The following CLYBL variants were observed in gnomAD, a reference collection of about 807,000 sequenced individuals.
CLYBL encodes the protein citramalyl-CoA lyase.
A neutral mutation model predicts 38.9 loss-of-function variants in CLYBL; 31 were observed. The ratio of observed to expected loss-of-function variants is 0.80; its 90% confidence interval spans 0.60 to 1.08. The LOEUF (loss-of-function observed/expected upper bound fraction) is 1.08. CLYBL is among the 50% of genes least tolerant of loss of function. CLYBL has a pLI of 0.00. For synonymous variants in CLYBL, 171 were observed against 158.6 expected (o/e 1.08, Z -0.59); for missense variants, 434 against 411.6 (o/e 1.05, Z -0.47).
intron 1 of CLYBL, among the ~76,000 whole-genome samples, chr13:99,731,721 ACC>A (rs2048594927): frequency 6.6e-6 from 1 of 152,042 alleles, no homozygotes; most frequent in South Asian, 2.1e-4. Flanking sequence ...TGGACAGTGG[ACC>A]CCTGGATGGG....
chr13:99,870,452 T>TC (rs764352102), intron 6 of CLYBL, among the ~76,000 whole-genome samples: 4,465 of 152,290 alleles, frequency 0.029, no homozygotes, highest in Non-Finnish European at 0.045. Flanking sequence ...CTGTAAGCTT[T>TC]ATGAAAACCA....
intron 1 of CLYBL, among the ~76,000 whole-genome samples, chr13:99,640,901 C>T (rs1379969622): frequency 6.6e-6 from 1 of 152,188 alleles, no homozygotes; most frequent in Non-Finnish European, 1.5e-5. Context: ...CAGTGCAGAT[C>T]CAAGCTACTC....
intron 1 of CLYBL, among the ~76,000 whole-genome samples, chr13:99,693,480 A>T (rs1566611929): frequency 6.6e-6 from 1 of 152,090 alleles, no homozygotes; most frequent in Non-Finnish European, 1.5e-5. Context: ...AGCTGGGTGC[A>T]CACCCTCCTT....
At chr13:99,841,473 C>T (rs2051075592) in intron 2 of CLYBL, among the ~76,000 whole-genome samples, 1 of 151,962 alleles carries the variant, frequency 6.6e-6, no homozygotes, top group Admixed American at 6.6e-5. Context: ...AGTCTCAGCT[C>T]ACTGCAACCT....
chr13:99,608,847 C>A (rs1484784346), intron 1 of CLYBL, among the ~76,000 whole-genome samples: 1 of 87,886 alleles, frequency 1.1e-5, no homozygotes, highest in African/African-American at 5.5e-5. Context: ...AGTGATGAGT[C>A]TTTTTTTTTT....
chr13:99,900,689 CT>C (rs2052632161), downstream of CLYBL, among the ~76,000 whole-genome samples: 1 of 152,186 alleles, frequency 6.6e-6, no homozygotes, highest in African/African-American at 2.4e-5. Flanking sequence ...ACACAGCTTC[CT>C]CCTCCCTCGA....
At chr13:99,774,370 C>G (rs1226512687) in intron 2 of CLYBL, among the ~76,000 whole-genome samples, 1 of 152,202 alleles carries the variant, frequency 6.6e-6, no homozygotes, top group Non-Finnish European at 1.5e-5. Context: ...AACATGGATT[C>G]ATTCAATGAT....
intron 1 of CLYBL, among the ~76,000 whole-genome samples, chr13:99,694,636 G>A (rs1215140242): frequency 1.3e-5 from 2 of 152,060 alleles, no homozygotes; most frequent in East Asian, 1.9e-4. Flanking sequence ...TTGCTGGCCC[G>A]CTTGCTTCAT....
rs2051284614 is a variant in CLYBL, at chr13:99,849,616, A to G, written c.250-9245A>G. ...GGCATCTTCTCAGCACCAGCTCCAC[A>G]TTGTCCTATGAGTTTGAGTCAGAGG... On this transcript the variant is annotated intron_variant, in intron 2 of 8. Coordinates refer to ENST00000339105, the MANE Select transcript of CLYBL (RefSeq NM_206808.5). This position sits in a 1 kb window ranked among gnomAD's most constrained non-coding sequence, Gnocchi z 4.9. Among the ~76,000 whole-genome samples the G allele has an allele frequency of 6.6e-6, 1 of 152,206 alleles. No homozygotes were observed. The highest frequency in any genetic ancestry group is 1.5e-5 in the Non-Finnish European group (1 of 68,038).
At chr13:99,735,005 C>T (rs1009675815) in intron 1 of CLYBL, among the ~76,000 whole-genome samples, 2 of 152,200 alleles carry the variant, frequency 1.3e-5, no homozygotes, top group Non-Finnish European at 2.9e-5. Context: ...TATATAACAT[C>T]TTCCCATTTG....
intron 1 of CLYBL, among the ~76,000 whole-genome samples, chr13:99,622,776 A>G (rs1370274185): frequency 6.8e-6 from 1 of 147,254 alleles, no homozygotes; most frequent in Non-Finnish European, 1.5e-5. Flanking sequence ...TTGTATGGAT[A>G]TAGCACTACA....
chr13:99,827,869 G>A (rs1231255831), intron 2 of CLYBL, among the ~76,000 whole-genome samples: 3 of 152,232 alleles, frequency 2.0e-5, no homozygotes, highest in African/African-American at 4.8e-5. Flanking sequence ...TTGCGCAGAG[G>A]AGGAGGGATC....
At chr13:99,747,978 C>G (rs926440112) in intron 1 of CLYBL, among the ~76,000 whole-genome samples, 1 of 152,110 alleles carries the variant, frequency 6.6e-6, no homozygotes, top group Non-Finnish European at 1.5e-5. Flanking sequence ...CATTTTCAAG[C>G]ATGCAGTGCA....
intron 2 of CLYBL, among the ~76,000 whole-genome samples, chr13:99,806,807 G>C (rs992218665): frequency 7.9e-5 from 12 of 152,122 alleles, no homozygotes; most frequent in African/African-American, 2.9e-4. Flanking sequence ...TCTTACCCTT[G>C]GGTAGTTGAG....
chr13:99,841,493 G>A (rs1056447364), intron 2 of CLYBL, among the ~76,000 whole-genome samples: 128 of 151,320 alleles, frequency 8.5e-4, no homozygotes, highest in African/African-American at 2.7e-3. Flanking sequence ...TCCGCCTCCC[G>A]GGTTCAAGCA....
intron 1 of CLYBL, among the ~76,000 whole-genome samples, chr13:99,667,766 C>T (rs1331159357): frequency 6.6e-6 from 1 of 152,166 alleles, no homozygotes; most frequent in Non-Finnish European, 1.5e-5. Context: ...TTTTACTAGT[C>T]AACTCATTTC....
intron 1 of CLYBL, among the ~76,000 whole-genome samples, chr13:99,699,563 C>T (rs549170276): frequency 6.7e-6 from 1 of 150,066 alleles, no homozygotes; most frequent in African/African-American, 2.5e-5. Flanking sequence ...CATGGTGGCA[C>T]GCGCCTGTAA....
chr13:99,771,131 G>A (rs2049385904), intron 1 of CLYBL, among the ~76,000 whole-genome samples: 1 of 149,214 alleles, frequency 6.7e-6, no homozygotes, highest in Admixed American at 6.7e-5. Flanking sequence ...CGACCTTCTG[G>A]GCTTAATCAA....
intron 1 of CLYBL, among the ~76,000 whole-genome samples, chr13:99,620,072 A>C (rs1370262714): frequency 6.6e-6 from 1 of 152,190 alleles, no homozygotes; most frequent in Non-Finnish European, 1.5e-5. Context: ...CTCTGCCTGC[A>C]GCAGGGAGTG....
Sources: gnomAD v4.1 joint callset for allele counts (sites outside exome capture counted in the v4.1 genomes callset) on GRCh38, gnomAD v4.1.1 for gene constraint, Gnocchi (gnomAD v3.1) non-coding constraint, MANE v1.5 for transcripts, NCBI Gene and HGNC (gene_info 2026-07-23, HGNC 2026-07-21) for gene names.